HECW2: variants seen among roughly 807,000 people sequenced by gnomAD.
HECW2 encodes E3 ubiquitin-protein ligase HECW2.
Under a neutral mutation model 175.2 loss-of-function variants are expected in HECW2, and 61 were observed. The observed-to-expected ratio is 0.35, with a 90% CI of 0.28 to 0.43. The LOEUF is 0.43. Among genes scored for constraint, HECW2 ranks in the 20% least tolerant of loss-of-function variants. The pLI, the probability that HECW2 is intolerant of heterozygous loss-of-function variation, is 1.00. For synonymous variants in HECW2, 671 were observed against 731.0 expected, an observed-to-expected ratio of 0.92 and a Z score of 1.32; for missense variants, 1,524 against 2,000.5, an observed-to-expected ratio of 0.76 and a Z score of 4.54.
chr2:196,207,025 A>G (rs1331884259), intron 28 of HECW2, among the ~76,000 whole-genome samples: 7 of 152,252 alleles, frequency 4.6e-5, no homozygotes, highest in African/African-American at 1.7e-4. Flanking sequence ...TGTTCCCAGC[A>G]GATGGAACAT....
At chr2:196,227,050 T>C (rs1436071026) in intron 22 of HECW2, among the ~76,000 whole-genome samples, 1 of 152,254 alleles carries the variant, frequency 6.6e-6, no homozygotes, top group Admixed American at 6.5e-5. Context: ...AGTAAGTTTG[T>C]AATTTTAGTA....
chr2:196,273,450 G>A lies in HECW2; in HGVS notation c.3238+571C>T, dbSNP rs992230048. 2.0e-5 allele frequency among the ~76,000 whole-genome samples: 3 copies of A among 152,116 alleles called. No individual in the cohort carries two copies. The East Asian group carries it at 5.8e-4, about 29-fold the overall frequency. Reference sequence around the variant, plus strand: ...ACTCCACCTGCCTCAGGCGCTCCAGGTTTGGCAACCACTGATCTACTTCAA... The same window carrying A: ...ACTCCACCTGCCTCAGGCGCTCCAGATTTGGCAACCACTGATCTACTTCAA... On this transcript the variant is annotated intron_variant, in intron 16 of 28. Coordinates refer to ENST00000644978, the MANE Select transcript of HECW2 (RefSeq NM_001348768.2).
At chr2:196,498,552 G>A (rs1470678554) in intron 1 of HECW2, among the ~76,000 whole-genome samples, 2 of 152,134 alleles carry the variant, frequency 1.3e-5, no homozygotes, top group African/African-American at 4.8e-5. Flanking sequence ...ATATAGGCCA[G>A]GCTATGGGAG....
intron 1 of HECW2, among the ~76,000 whole-genome samples, chr2:196,549,994 A>G (rs972378974): frequency 6.6e-6 from 1 of 152,202 alleles, no homozygotes; most frequent in African/African-American, 2.4e-5. Flanking sequence ...GACAAGCTTC[A>G]CTGATAAACA....
At chr2:196,365,225 C>T (rs1361607136) in intron 2 of HECW2, among the ~76,000 whole-genome samples, 1 of 152,184 alleles carries the variant, frequency 6.6e-6, no homozygotes. Flanking sequence ...CAGGGAAGAG[C>T]AAAGACACAG....
intron 15 of HECW2, among the ~76,000 whole-genome samples, chr2:196,276,711 T>C (rs1251939271): frequency 6.6e-6 from 1 of 152,218 alleles, no homozygotes; most frequent in Non-Finnish European, 1.5e-5. Context: ...TATTAGCTAC[T>C]CATAAAACAG....
intron 1 of HECW2, among the ~76,000 whole-genome samples, chr2:196,557,569 GA>G (rs111990539): frequency 2.0e-5 from 3 of 150,834 alleles, no homozygotes; most frequent in African/African-American, 7.3e-5. Context: ...AGCCCAAGGG[GA>G]AAAAAAAATT....
intron 1 of HECW2, among the ~76,000 whole-genome samples, chr2:196,454,718 T>C (rs184629854): frequency 1.3e-5 from 2 of 152,312 alleles, no homozygotes; most frequent in East Asian, 1.9e-4. Context: ...GCTTAGTGGA[T>C]AAAAGTATAG....
chr2:196,206,373 A>G lies in HECW2; in HGVS notation c.4608-4985T>C, dbSNP rs367771795. On this transcript the variant is annotated intron_variant, in intron 28 of 28. Coordinates refer to ENST00000644978, the MANE Select transcript of HECW2 (RefSeq NM_001348768.2). ...TCTCTTGGTGCTTTCTGGATTCTTC[A>G]AAAATGTTAATCAGGAGGTCACATG... is the stretch of plus-strand genomic sequence containing the variant. Among the ~76,000 whole-genome samples the G allele has an allele frequency of 4.5e-3, 689 of 152,304 alleles. 3 individuals carry two copies. The highest frequency in any genetic ancestry group is 0.016 in the African/African-American group (664 of 41,554).
chr2:196,271,274 A>T lies in HECW2; in HGVS notation c.3254T>A (p.Ile1085Asn). Residue 1085 changes from isoleucine to asparagine, a missense_variant, in exon 17 of 29, where the codon ATT becomes AAT. Ile to Asn is a moderately radical substitution (Grantham distance 149). Transcript: ENST00000644978. ...ATTGGGTTGACGTAGAAATGCAACA[A>T]TCTTGTCATTGTAAGCTGAAAAAAA... ...DMVPVAYNDKIVAFLRQPNIF... is the reference protein window; with the variant it reads ...DMVPVAYNDKNVAFLRQPNIF... 6.2e-7 allele frequency: 1 copy of T among 1,606,478 alleles called. No homozygotes were observed. Among genetic ancestry groups the T allele is most frequent in the Non-Finnish European group, 8.5e-7 (1 of 1,173,282 alleles).
intron 1 of HECW2, among the ~76,000 whole-genome samples, chr2:196,501,652 T>C (rs1448394385): frequency 6.6e-6 from 1 of 152,162 alleles, no homozygotes; most frequent in African/African-American, 2.4e-5. Flanking sequence ...GCACAGTTTC[T>C]CCTGCTTTAG....
chr2:196,541,046 C>T (rs1689194832), intron 1 of HECW2, among the ~76,000 whole-genome samples: 1 of 152,060 alleles, frequency 6.6e-6, no homozygotes, highest in Non-Finnish European at 1.5e-5. Flanking sequence ...CCAACCTCAT[C>T]CAAGTTAACC....
chr2:196,318,655 T>C lies in HECW2; in HGVS notation c.2235A>G (p.Gly745=), dbSNP rs771559518. ...EVWQRRGSLE[G]AAAAAESPPQ... is the part of the protein sequence containing the mutation. ...GTGGGCTCTCGGCAGCAGCTGCAGC[T>C]CCCTCCAGGCTCCCCCTCCGCTGCC... The change falls in exon 9 of 29, where the codon GGA becomes GGG. Residue 745 remains glycine (G), a synonymous_variant. Coordinates refer to ENST00000644978, the MANE Select transcript of HECW2 (RefSeq NM_001348768.2). The C allele has an allele frequency of 2.5e-6, 4 of 1,600,628 alleles. No individual in the cohort carries two copies. Among genetic ancestry groups the C allele is most frequent in the Non-Finnish European group, 3.4e-6 (4 of 1,173,116 alleles).
chr2:196,364,482 T>C (rs1323009242), intron 2 of HECW2, among the ~76,000 whole-genome samples: 1 of 152,232 alleles, frequency 6.6e-6, no homozygotes, highest in African/African-American at 2.4e-5. Context: ...AATGATTATA[T>C]TGAGAAGGTA....
At chr2:196,364,718 G>A (rs1693696740) in intron 2 of HECW2, among the ~76,000 whole-genome samples, 1 of 152,132 alleles carries the variant, frequency 6.6e-6, no homozygotes. Context: ...CCCTCACAGA[G>A]CTTATATTTT....
chr2:196,334,194 C>T (rs1238134287), intron 4 of HECW2, among the ~76,000 whole-genome samples: 4 of 152,174 alleles, frequency 2.6e-5, no homozygotes, highest in Non-Finnish European at 5.9e-5. Context: ...CCCGGAGAGT[C>T]GACTCTACAA....
rs777795826 is a variant in HECW2 at position 196,201,344 on chromosome 2, G to T, written c.4652C>A (p.Ser1551Tyr). The change falls in exon 29 of 29, where the codon TCC becomes TAC. Residue 1551 changes from serine to tyrosine, a missense_variant. Coordinates refer to ENST00000644978, the MANE Select transcript of HECW2 (RefSeq NM_001348768.2). Reference sequence around the variant, plus strand: ...CAGTTTTTCATAAAGCATGGAAAAGGATGGGTAGGGAGGCAGATCCAGACG... The same window carrying T: ...CAGTTTTTCATAAAGCATGGAAAAGTATGGGTAGGGAGGCAGATCCAGACG... Reference protein sequence around the residue: ...FNRLDLPPYPSFSMLYEKLLT... With the variant: ...FNRLDLPPYPYFSMLYEKLLT... 1 of 1,613,708 alleles carries T rather than the reference G, an allele frequency of 6.2e-7. No individual in the cohort carries two copies. Among genetic ancestry groups the T allele is most frequent in the Non-Finnish European group, 8.5e-7 (1 of 1,179,650 alleles).
intron 1 of HECW2, among the ~76,000 whole-genome samples, chr2:196,554,186 C>A (rs1575666724): frequency 6.6e-6 from 1 of 151,956 alleles, no homozygotes; most frequent in African/African-American, 2.4e-5. Flanking sequence ...ATTAGCCGGG[C>A]GCAGTGGCGG....
intron 28 of HECW2, among the ~76,000 whole-genome samples, chr2:196,209,758 TTTCTTTC>T (rs1436716187): frequency 1.4e-5 from 2 of 139,312 alleles, no homozygotes; most frequent in African/African-American, 5.6e-5. Context: ...TTTTTCTTTC[TTTCTTTC>T]TTTTTTTTTT....
Sources: gnomAD v4.1 joint callset for allele counts (sites outside exome capture counted in the v4.1 genomes callset) on GRCh38, gnomAD v4.1.1 for gene constraint, MANE v1.5 for transcripts, NCBI Gene and HGNC (gene_info 2026-07-23, HGNC 2026-07-21) for gene names.